Variants in CRX observed in about 807,000 individuals in gnomAD.
CRX encodes the protein cone-rod homeobox protein.
In CRX, 5 loss-of-function variants were observed where a neutral mutation model predicts 13.1. The ratio of observed to expected loss-of-function variants is 0.38; its 90% CI spans 0.20 to 0.80. The LOEUF (loss-of-function observed/expected upper bound fraction) is 0.80. Among genes scored for constraint, CRX ranks in the 30% least tolerant of loss-of-function variants. The pLI is 0.43. For missense variants in CRX, 351 were observed against 391.8 expected (o/e 0.90, Z 0.88); for synonymous variants, 179 against 171.1 (o/e 1.05, Z -0.36).
At position 47,839,654 on chromosome 19, in the gene CRX, C is replaced by A. The variant is rs1372852556; in HGVS notation, c.587C>A (p.Ala196Asp). 1.9e-6 allele frequency: 3 copies of A among 1,613,460 alleles called. No individual in the cohort carries two copies. The highest frequency in any genetic ancestry group is 2.5e-6 in the Non-Finnish European group (3 of 1,179,970). The change falls in exon 4 of 4, where the codon GCC (alanine) becomes GAC (aspartate). Residue 196 changes from alanine to aspartate, a missense_variant. Physicochemically the swap from Ala to Asp is moderately radical, Grantham distance 126 (BLOSUM62 -2). Coordinates refer to ENST00000221996, the MANE Select transcript of CRX (RefSeq NM_000554.6). The surrounding 1 kb of genome is among the most constrained non-coding windows in gnomAD (Gnocchi z 4.6). ...TCCGCCCCCTATGCCATGACCTACG[C>A]CCCGGCCTCCGCTTTCTGCTCTTCC... ...LTSAPYAMTYAPASAFCSSPS... is the reference protein window; with the variant it reads ...LTSAPYAMTYDPASAFCSSPS...
Position 47,833,719 on chromosome 19 carries a change from G to A in CRX, c.-35-690G>A, listed in dbSNP as rs551486454. Among the ~76,000 whole-genome samples, 3 of 152,342 alleles carry A rather than the reference G, an allele frequency of 2.0e-5. No homozygotes were observed. The East Asian group carries it at 5.8e-4, about 29-fold the overall frequency. On this transcript the variant is annotated intron_variant, in intron 1 of 3. Transcript: ENST00000221996. ...TCCTCCAACCTGGGCAAAGAGGGAC[G>A]GTTGGTCAACCTGCAGTCCTGGGTT...
At chr19:47,837,182 T>C (rs1968128055) in intron 3 of CRX, among the ~76,000 whole-genome samples, 1 of 152,168 alleles carries the variant, frequency 6.6e-6, no homozygotes, top group Non-Finnish European at 1.5e-5. Context: ...TATTTATTTA[T>C]TTGAAATGGA....
intron 2 of CRX, 90 bp from the exon 3 acceptor site, chr19:47,836,153 G>A: frequency 6.6e-7 from 1 of 1,524,856 alleles, no homozygotes; most frequent in Non-Finnish European, 9.1e-7. Flanking sequence ...ATGGCAACCA[G>A]GATGGAATTC....
At chr19:47,828,328 A>G (rs1968001594) in intron 1 of CRX, among the ~76,000 whole-genome samples, 1 of 152,144 alleles carries the variant, frequency 6.6e-6, no homozygotes, top group African/African-American at 2.4e-5. Context: ...TAGAATCTCA[A>G]CTTAAAATAA....
chr19:47,835,448 G>C (rs902172405), intron 2 of CRX, among the ~76,000 whole-genome samples: 1 of 149,972 alleles, frequency 6.7e-6, no homozygotes, highest in Non-Finnish European at 1.5e-5. Context: ...GCAATGGCGC[G>C]ATCTTGGCTC....
At chr19:47,838,893 G>A (rs1366213848) in intron 3 of CRX, among the ~76,000 whole-genome samples, 1 of 151,488 alleles carries the variant, frequency 6.6e-6, no homozygotes, top group Non-Finnish European at 1.5e-5. Context: ...TCATATAGAT[G>A]GGTAAATGTA....
At chr19:47,829,772 G>C (rs1288929555) in intron 1 of CRX, among the ~76,000 whole-genome samples, 1 of 151,108 alleles carries the variant, frequency 6.6e-6, no homozygotes, top group Non-Finnish European at 1.5e-5. Flanking sequence ...TGAGACTACA[G>C]GTGCGGACCA....
chr19:47,839,350 A>T lies in CRX; in HGVS notation c.283A>T (p.Arg95Trp). Residue 95 changes from arginine (R) to tryptophan (W), a missense_variant, in exon 4 of 4, where the codon AGG becomes TGG. Transcript: ENST00000221996. The surrounding 1 kb of genome is among the most constrained non-coding windows in gnomAD (Gnocchi z 4.6). ...VWFKNRRAKCRQQRQQQKQQQ... is the reference protein window; with the variant it reads ...VWFKNRRAKCWQQRQQQKQQQ... Reference sequence around the variant, plus strand: ...GTTCAAGAACCGGAGGGCTAAATGCAGGCAGCAGCGACAGCAGCAGAAACA... The same window carrying T: ...GTTCAAGAACCGGAGGGCTAAATGCTGGCAGCAGCGACAGCAGCAGAAACA... 2 of 1,613,518 alleles carry T rather than the reference A, an allele frequency of 1.2e-6. No homozygotes were observed. Among genetic ancestry groups the T allele is most frequent in the Non-Finnish European group, 1.7e-6 (2 of 1,179,768 alleles).
At chr19:47,837,636 A>G (rs75673708) in intron 3 of CRX, among the ~76,000 whole-genome samples, 4,896 of 146,984 alleles carry the variant, frequency 0.033, 250 homozygotes, top group African/African-American at 0.11. Flanking sequence ...GTATATTTGT[A>G]TGTTTGTATA....
chr19:47,827,836 TAAAAAAAAAAAAAAA>T (rs1156465404), intron 1 of CRX, among the ~76,000 whole-genome samples: 12 of 41,760 alleles, frequency 2.9e-4, no homozygotes, highest in African/African-American at 1.1e-3. Context: ...GCATCTTTAT[TAAAAAAAAAAAAAAA>T]AAAAAAAAAA....
intron 1 of CRX, among the ~76,000 whole-genome samples, chr19:47,833,730 C>T (rs1295119279): frequency 6.6e-6 from 1 of 152,108 alleles, no homozygotes; most frequent in African/African-American, 2.4e-5. Context: ...GTTGGTCAAC[C>T]TGCAGTCCTG....
intron 1 of CRX, among the ~76,000 whole-genome samples, chr19:47,830,720 C>T (rs62128762): frequency 0.11 from 16,918 of 150,884 alleles, 1,293 homozygotes; most frequent in Non-Finnish European, 0.16. Context: ...AACTTGAACC[C>T]AGGAGGTGGA....
rs1368859959 is a variant in CRX at position 47,842,834 on chromosome 19, G to A, written c.*2867G>A. ...TGGAGGCCGGGACTCAGGCGTGGAA[G>A]AGAATCTTCTCCTTATTCACCGGGG... On this transcript the variant is annotated 3_prime_UTR_variant, in exon 4 of 4. Transcript: ENST00000221996. 1.3e-5 allele frequency: 2 copies of A among 152,360 alleles called. No homozygotes were observed. Among genetic ancestry groups the A allele is most frequent in the Non-Finnish European group, 2.9e-5 (2 of 68,112 alleles). 9.4% of individuals were successfully genotyped at this position (152,360 alleles called of 1,614,324 possible). A position where few individuals can be genotyped will look rare whatever the true frequency, so the allele number is the denominator to read the frequency against.
At chr19:47,834,324 G>T (rs926500428) in intron 1 of CRX, 85 bp from the exon 2 acceptor site, 30 of 790,902 alleles carry the variant, frequency 3.8e-5, no homozygotes, top group Non-Finnish European at 6.3e-5. Context: ...AGAGGAGAAG[G>T]AGGCAGGATT....
chr19:47,825,635 C>T (rs1236716325), intron 1 of CRX, among the ~76,000 whole-genome samples: 1 of 152,126 alleles, frequency 6.6e-6, no homozygotes, highest in Non-Finnish European at 1.5e-5. Context: ...AAGGGATGAT[C>T]CTGGCCAGGC....
In CRX at chr19:47,839,662, TCCGCTTTCTGCTCTTCCCCCTCCG is replaced by T; in HGVS notation, c.598_621del (p.Ala200_Ala207del). 6.2e-7 allele frequency: 1 copy of T among 1,613,544 alleles called. No homozygotes were observed. On this transcript the variant is annotated inframe_deletion, in exon 4 of 4. Coordinates refer to ENST00000221996, the MANE Select transcript of CRX (RefSeq NM_000554.6). The surrounding 1 kb of genome is among the most constrained non-coding windows in gnomAD (Gnocchi z 4.6). The stretch of plus-strand genomic sequence containing the variant: ...CTATGCCATGACCTACGCCCCGGCC[TCCGCTTTCTGCTCTTCCCCCTCCG>T]CCTATGGGTCTCCGAGCTCCTATTT...
Position 47,841,729 on chromosome 19 carries a change from T to A in CRX, c.*1762T>A, listed in dbSNP as rs1293546834. ...CACTTGTGAGAACCTGAAGACGGAT[T>A]GAGGTCATTTGATGCTCAGAAGTTG... On this transcript the variant is annotated 3_prime_UTR_variant, in exon 4 of 4. Coordinates refer to ENST00000221996, the MANE Select transcript of CRX (RefSeq NM_000554.6). 1 of 151,992 alleles carries A rather than the reference T, an allele frequency of 6.6e-6. No individual in the cohort carries two copies. Among genetic ancestry groups the A allele is most frequent in the Non-Finnish European group, 1.5e-5 (1 of 68,002 alleles). 9.4% of individuals were successfully genotyped at this position (151,992 alleles called of 1,614,324 possible).
At chr19:47,825,144 T>C (rs1425721811) in intron 1 of CRX, among the ~76,000 whole-genome samples, 1 of 151,832 alleles carries the variant, frequency 6.6e-6, no homozygotes, top group African/African-American at 2.4e-5. Flanking sequence ...CATGCCCGGC[T>C]AATTTTTGTA....
At chr19:47,831,729 C>G (rs548933389) in intron 1 of CRX, among the ~76,000 whole-genome samples, 1 of 151,856 alleles carries the variant, frequency 6.6e-6, no homozygotes, top group Admixed American at 6.6e-5. Context: ...TATTGCCGAG[C>G]CTAGAACTTT....
Sources: allele counts gnomAD v4.1 joint callset (sites outside exome capture counted in the v4.1 genomes callset), GRCh38; gene constraint gnomAD v4.1.1; non-coding constraint Gnocchi (gnomAD v3.1); transcripts MANE v1.5; gene names NCBI Gene and HGNC (gene_info 2026-07-23, HGNC 2026-07-21).